The following GLI3 variants were observed in gnomAD, a reference collection of about 807,000 sequenced individuals.
GLI3 encodes transcription activator GLI3.
A neutral mutation model predicts 100.8 loss-of-function variants in GLI3; 20 were observed. That is an observed-to-expected ratio of 0.20 (90% confidence interval 0.14 to 0.29). GLI3 has a LOEUF of 0.29. Ranked by LOEUF, GLI3 falls within the 10% of genes least tolerant of loss-of-function variation. GLI3 has a pLI of 1.00. For missense variants in GLI3, 2,040 were observed against 2,128.5 expected (o/e 0.96, Z 0.82); for synonymous variants, 938 against 860.5 (o/e 1.09, Z -1.58).
chr7:42,126,167 T>C (rs1028438795), intron 3 of GLI3, among the ~76,000 whole-genome samples: 6 of 152,218 alleles, frequency 3.9e-5, no homozygotes, highest in African/African-American at 1.4e-4. Context: ...AGGTACTGAC[T>C]TTTCCAAATC....
chr7:42,247,796 T>A, intron 1 of GLI3, among the ~76,000 whole-genome samples: 1 of 152,314 alleles, frequency 6.6e-6, no homozygotes, highest in Non-Finnish European at 1.5e-5. Flanking sequence ...GAGCCCTAGC[T>A]CTGGCTCCTT....
chr7:42,053,523 C>T (rs891977031), intron 4 of GLI3, among the ~76,000 whole-genome samples: 5 of 152,130 alleles, frequency 3.3e-5, no homozygotes, highest in Non-Finnish European at 7.4e-5. Flanking sequence ...ATCAACTTGG[C>T]CTGGTAAATA....
intron 3 of GLI3, among the ~76,000 whole-genome samples, chr7:42,138,255 C>T (rs1050387665): frequency 1.3e-5 from 2 of 152,202 alleles, no homozygotes; most frequent in African/African-American, 4.8e-5. Context: ...ATCAGAAGGA[C>T]TGAGTCCCCC....
chr7:42,149,100 C>T (rs868205913), intron 2 of GLI3, among the ~76,000 whole-genome samples: 1 of 152,266 alleles, frequency 6.6e-6, no homozygotes, highest in Middle Eastern at 3.4e-3. Flanking sequence ...GATAAAGGTG[C>T]CAATCATGAA....
intron 1 of GLI3, among the ~76,000 whole-genome samples, chr7:42,255,722 T>C (rs1789079189): frequency 1.3e-5 from 2 of 152,290 alleles, no homozygotes; most frequent in Middle Eastern, 3.4e-3. Flanking sequence ...TTGATAGGCA[T>C]TTGGCTTGTT....
intron 3 of GLI3, among the ~76,000 whole-genome samples, chr7:42,095,308 A>G (rs1339902713): frequency 6.6e-6 from 1 of 152,196 alleles, no homozygotes; most frequent in Non-Finnish European, 1.5e-5. Flanking sequence ...TCCGGGAACC[A>G]CGGAAGCGTG....
intron 3 of GLI3, among the ~76,000 whole-genome samples, chr7:42,117,190 G>A (rs567251879): frequency 1.3e-5 from 2 of 152,290 alleles, no homozygotes; most frequent in East Asian, 1.9e-4. Flanking sequence ...CAATAGATTG[G>A]TCAGAAGGAC....
chr7:42,134,512 C>T (rs1171648096), intron 3 of GLI3, among the ~76,000 whole-genome samples: 1 of 152,016 alleles, frequency 6.6e-6, no homozygotes, highest in Non-Finnish European at 1.5e-5. Context: ...CCACAAAAAC[C>T]CAGAAAATTT....
chr7:42,246,054 T>C, intron 1 of GLI3, among the ~76,000 whole-genome samples: 1 of 152,172 alleles, frequency 6.6e-6, no homozygotes, highest in South Asian at 2.1e-4. Flanking sequence ...TTGAATTGCC[T>C]TGGACAGAGG....
intron 10 of GLI3, among the ~76,000 whole-genome samples, chr7:42,015,622 T>C (rs997705171): frequency 1.3e-5 from 2 of 151,566 alleles, no homozygotes; most frequent in Non-Finnish European, 2.9e-5. Flanking sequence ...AAAATAGTGA[T>C]GGAGTTTCTC....
chr7:42,247,458 A>C (rs143095331), intron 1 of GLI3, among the ~76,000 whole-genome samples: 225 of 152,316 alleles, frequency 1.5e-3, no homozygotes, highest in Middle Eastern at 0.01. Flanking sequence ...AGAGACAGCA[A>C]TTCTTCCGCA....
chr7:42,192,749 C>G (rs1787851939), intron 2 of GLI3, among the ~76,000 whole-genome samples: 1 of 152,226 alleles, frequency 6.6e-6, no homozygotes, highest in Admixed American at 6.5e-5. Flanking sequence ...GAGGGGAAGG[C>G]CTCCTAATCT....
chr7:42,133,707 CTT>C (rs1340401060), intron 3 of GLI3, among the ~76,000 whole-genome samples: 3 of 150,028 alleles, frequency 2.0e-5, no homozygotes, highest in Non-Finnish European at 4.4e-5. Flanking sequence ...GAGAGAAACA[CTT>C]CAGAAAATCT....
chr7:42,144,413 G>A (rs867051058), intron 3 of GLI3, among the ~76,000 whole-genome samples: 4 of 152,148 alleles, frequency 2.6e-5, no homozygotes, highest in South Asian at 2.1e-4. Flanking sequence ...CTACTTTTGC[G>A]CCTTGATATA....
rs369216326 is a variant in GLI3 at position 42,124,937 on chromosome 7, C to G, written c.367+23289G>C. On this transcript the variant is annotated intron_variant, in intron 3 of 14. Coordinates refer to ENST00000395925, the MANE Select transcript of GLI3 (RefSeq NM_000168.6). ...GAATGTATTTTTAAGATGAAGTGTT[C>G]CAGGTAGATGCAAGTTATGCAGATA... Among the ~76,000 whole-genome samples, 33 of 151,694 alleles carry G rather than the reference C, an allele frequency of 2.2e-4. No homozygotes were observed. The East Asian group carries it at 5.6e-3, about 26-fold the overall frequency.
chr7:42,208,267 T>C (rs545400820), intron 2 of GLI3, among the ~76,000 whole-genome samples: 1 of 152,336 alleles, frequency 6.6e-6, no homozygotes, highest in South Asian at 2.1e-4. Flanking sequence ...GAGCAGGCTA[T>C]GTGGCCTTCA....
At chr7:42,106,790 C>A (rs935854260) in intron 3 of GLI3, among the ~76,000 whole-genome samples, 2 of 152,136 alleles carry the variant, frequency 1.3e-5, no homozygotes, top group South Asian at 2.1e-4. Context: ...GCAGAGAATG[C>A]TCTGGGAATT....
chr7:42,042,593 A>G (rs1035955292), intron 6 of GLI3, among the ~76,000 whole-genome samples: 18 of 152,194 alleles, frequency 1.2e-4, no homozygotes, highest in Non-Finnish European at 2.5e-4. Context: ...TATCCCTAGA[A>G]AATCTCTAAT....
intron 3 of GLI3, among the ~76,000 whole-genome samples, chr7:42,093,111 G>A (rs1232350068): frequency 6.6e-6 from 1 of 151,976 alleles, no homozygotes; most frequent in Admixed American, 6.6e-5. Context: ...ACCGCGCCTG[G>A]CCAGGATCTT....
Sources: gnomAD v4.1 joint callset for allele counts (sites outside exome capture counted in the v4.1 genomes callset) on GRCh38, gnomAD v4.1.1 for gene constraint, MANE v1.5 for transcripts, NCBI Gene and HGNC (gene_info 2026-07-23, HGNC 2026-07-21) for gene names.